UBR2: variants seen among roughly 807,000 people sequenced by gnomAD.
UBR2 encodes E3 ubiquitin-protein ligase UBR2.
Under a neutral mutation model 247.9 loss-of-function variants are expected in UBR2, and 92 were observed. The ratio of observed to expected loss-of-function variants is 0.37; its 90% CI spans 0.31 to 0.44. UBR2 has a LOEUF of 0.44. UBR2 is among the 20% of genes least tolerant of loss of function. UBR2 has a pLI of 1.00. For synonymous variants in UBR2, 672 were observed against 693.5 expected (o/e 0.97, Z 0.49); for missense variants, 1,613 against 2,112.6 (o/e 0.76, Z 4.64).
At position 42,676,778 on chromosome 6, in the gene UBR2, T is replaced by C; in HGVS notation, c.4388-5T>C. The C allele has an allele frequency of 6.2e-7, 1 of 1,612,632 alleles. No homozygotes were observed. The highest frequency in any genetic ancestry group is 8.5e-7 in the Non-Finnish European group (1 of 1,178,780). ...ACAGAGTACTAGTATTTCCTTATCT[T>C]TCAGAAGAGAATGGCATGGATCAAG... On this transcript the variant is annotated splice_polypyrimidine_tract_variant and splice_region_variant and intron_variant, in intron 39 of 46. Coordinates refer to ENST00000372901, the MANE Select transcript of UBR2 (RefSeq NM_001363705.2).
At chr6:42,599,746 C>G (rs1464719228) in intron 4 of UBR2, among the ~76,000 whole-genome samples, 2 of 151,916 alleles carry the variant, frequency 1.3e-5, no homozygotes, top group African/African-American at 4.8e-5. Flanking sequence ...ACCACATGGA[C>G]TCAAGCGATT....
intron 40 of UBR2, among the ~76,000 whole-genome samples, chr6:42,678,122 A>G (rs1019447614): frequency 6.6e-6 from 1 of 152,188 alleles, no homozygotes; most frequent in Non-Finnish European, 1.5e-5. Flanking sequence ...AGATCACAAG[A>G]TCAGGAGATC....
chr6:42,606,175 A>C (rs369280753), intron 6 of UBR2, among the ~76,000 whole-genome samples: 93 of 152,016 alleles, frequency 6.1e-4, no homozygotes, highest in African/African-American at 2.0e-3. Flanking sequence ...CCTGGGAGGC[A>C]GAGGTTGCAG....
At chr6:42,652,400 T>C in intron 24 of UBR2, 91 bp from the exon 25 acceptor site, 1 of 1,389,966 alleles carries the variant, frequency 7.2e-7, no homozygotes, top group Non-Finnish European at 9.8e-7. Flanking sequence ...TTAATGAATA[T>C]TCTTTGAGTT....
At chr6:42,630,185 CTTT>C (rs771762360) in intron 11 of UBR2, among the ~76,000 whole-genome samples, 2 of 137,934 alleles carry the variant, frequency 1.4e-5, no homozygotes, top group Non-Finnish European at 3.2e-5. Context: ...TTATTATTTA[CTTT>C]TTTTTTTTTT....
At position 42,674,281 on chromosome 6, in the gene UBR2, A is replaced by G. The variant is rs908940711; in HGVS notation, c.4251+88A>G. 7 of 1,233,570 alleles carry G rather than the reference A, an allele frequency of 5.7e-6. No homozygotes were observed. The African/African-American group carries it at 7.6e-5, about 13-fold the overall frequency. 76.4% of individuals were successfully genotyped at this position (1,233,570 alleles called of 1,614,324 possible). ...GTGAGCAGTGTAGTGGCAGACAGGA[A>G]GGAGTTATGTGATTTCCTTACCCCT... is the stretch of plus-strand genomic sequence containing the variant. On this transcript the variant is annotated intron_variant, in intron 38 of 46. Coordinates refer to ENST00000372901, the MANE Select transcript of UBR2 (RefSeq NM_001363705.2).
chr6:42,564,151 C>T lies in UBR2; in HGVS notation c.-169C>T. 1.4e-6 allele frequency: 1 copy of T among 713,116 alleles called. No individual in the cohort carries two copies. Among genetic ancestry groups the T allele is most frequent in the Admixed American group, 3.3e-5 (1 of 30,750 alleles). The allele number at this position is 713,116 out of a possible 1,614,324, so 44.2% of individuals were successfully genotyped here. Reference sequence around the variant, plus strand: ...GGGAGCGCAGGAGGCCGCTGTCCTTCCTTTCCGGTTCACGTCACCCTTCTC... The same window carrying T: ...GGGAGCGCAGGAGGCCGCTGTCCTTTCTTTCCGGTTCACGTCACCCTTCTC... On this transcript the variant is annotated 5_prime_UTR_variant, in exon 1 of 47. Coordinates refer to ENST00000372901, the MANE Select transcript of UBR2 (RefSeq NM_001363705.2).
intron 33 of UBR2, 28 bp from the exon 34 acceptor site, chr6:42,666,138 AT>A (rs1798094864): frequency 6.4e-7 from 1 of 1,568,824 alleles, no homozygotes; most frequent in South Asian, 1.1e-5. Flanking sequence ...CATCTATTGA[AT>A]AATAGTATAA....
In UBR2 at chr6:42,666,856, C is replaced by T. The variant is rs149153384; in HGVS notation, c.3881+611C>T. Among the ~76,000 whole-genome samples the T allele has an allele frequency of 2.9e-3, 439 of 152,324 alleles. 3 individuals are homozygous for T. Among genetic ancestry groups the T allele is most frequent in the African/African-American group, 0.01 (420 of 41,580 alleles). ...GATTCTGGAGCTAGACTGGTTGATT[C>T]AGTTCCCAGCACCACCACTTATTAG... On this transcript the variant is annotated intron_variant, in intron 34 of 46. Transcript: ENST00000372901.
chr6:42,603,300 C>T (rs533897946), intron 4 of UBR2, among the ~76,000 whole-genome samples: 12 of 152,260 alleles, frequency 7.9e-5, no homozygotes, highest in African/African-American at 2.4e-4. Context: ...TTTTTGAGAT[C>T]GTGGAATACC....
intron 36 of UBR2, among the ~76,000 whole-genome samples, chr6:42,672,326 C>A (rs540709870): frequency 2.0e-5 from 3 of 152,232 alleles, no homozygotes; most frequent in African/African-American, 7.2e-5. Context: ...AGCCACCATT[C>A]CCGGCCTAGA....
At chr6:42,598,002 C>T (rs992653297) in intron 4 of UBR2, among the ~76,000 whole-genome samples, 43 of 151,870 alleles carry the variant, frequency 2.8e-4, no homozygotes, top group African/African-American at 1.0e-3. Flanking sequence ...AACTGTTGAA[C>T]ATAATTTTTT....
intron 4 of UBR2, among the ~76,000 whole-genome samples, chr6:42,602,378 A>AT (rs745619629): frequency 5.3e-5 from 8 of 151,332 alleles, no homozygotes; most frequent in Non-Finnish European, 1.0e-4. Context: ...AATTTTTTGT[A>AT]TTTTTAGTAG....
At chr6:42,576,478 A>G (rs1021174512) in intron 2 of UBR2, among the ~76,000 whole-genome samples, 4 of 122,570 alleles carry the variant, frequency 3.3e-5, no homozygotes, top group African/African-American at 1.2e-4. Flanking sequence ...CCTTTACCCC[A>G]TTTGGATTTT....
chr6:42,651,973 G>A (rs1191525879), intron 23 of UBR2, 50 bp from the exon 24 acceptor site: 2 of 1,515,244 alleles, frequency 1.3e-6, no homozygotes, highest in African/African-American at 1.4e-5. Context: ...AACCAGGTGT[G>A]GTGGTGGGCA....
Position 42,691,430 on chromosome 6 carries a change from C to G in UBR2, c.*257C>G. 1 of 474,782 alleles carries G rather than the reference C, an allele frequency of 2.1e-6. No individual in the cohort carries two copies. The highest frequency in any genetic ancestry group is 2.2e-5 in the South Asian group (1 of 45,424). 29.4% of individuals were successfully genotyped at this position (474,782 alleles called of 1,614,324 possible). On this transcript the variant is annotated 3_prime_UTR_variant, in exon 47 of 47. Coordinates refer to ENST00000372901, the MANE Select transcript of UBR2 (RefSeq NM_001363705.2). ...GAGCTTCTCTTCCTAGATTGGATCCCAGCCCCTTTGTGGGGGTCTGACTGC... is the reference window on the plus strand; with the variant it reads ...GAGCTTCTCTTCCTAGATTGGATCCGAGCCCCTTTGTGGGGGTCTGACTGC...
At chr6:42,635,974 G>T (rs957169759) in intron 14 of UBR2, among the ~76,000 whole-genome samples, 4 of 152,080 alleles carry the variant, frequency 2.6e-5, no homozygotes, top group Non-Finnish European at 5.9e-5. Flanking sequence ...GTTTCTGTAA[G>T]GTCTGAACAA....
intron 2 of UBR2, among the ~76,000 whole-genome samples, chr6:42,577,282 G>A (rs1334669562): frequency 6.6e-6 from 1 of 152,140 alleles, no homozygotes; most frequent in African/African-American, 2.4e-5. Context: ...GAGAAAGAAT[G>A]ATATTAAAGG....
intron 38 of UBR2, 97 bp from the exon 39 acceptor site, chr6:42,675,959 A>G: frequency 6.7e-7 from 1 of 1,487,212 alleles, no homozygotes; most frequent in Middle Eastern, 1.8e-4. Context: ...TCTGTCTCAA[A>G]AAAAAAATCA....
Sources: allele counts gnomAD v4.1 joint callset (sites outside exome capture counted in the v4.1 genomes callset), GRCh38; gene constraint gnomAD v4.1.1; transcripts MANE v1.5; gene names NCBI Gene and HGNC (gene_info 2026-07-23, HGNC 2026-07-21).